PTTG1IP: variants seen among roughly 807,000 people sequenced by gnomAD.
PTTG1IP encodes the protein pituitary tumor-transforming gene 1 protein-interacting protein.
Under a neutral mutation model 24.4 loss-of-function variants are expected in PTTG1IP, and 16 were observed. The ratio of observed to expected loss-of-function variants is 0.66; its 90% CI spans 0.44 to 1.00. PTTG1IP has a LOEUF of 1.00. Among genes scored for constraint, PTTG1IP ranks in the 50% least tolerant of loss-of-function variants. The pLI is 0.00. For missense variants in PTTG1IP, 241 were observed against 245.8 expected, an observed-to-expected ratio of 0.98 and a Z score of 0.13; for synonymous variants, 89 against 96.8, an observed-to-expected ratio of 0.92 and a Z score of 0.47.
At chr21:44,864,026 A>C (rs2083514980) in intron 2 of PTTG1IP, among the ~76,000 whole-genome samples, 3 of 152,206 alleles carry the variant, frequency 2.0e-5, no homozygotes, top group Non-Finnish European at 4.4e-5. Context: ...ATGCCTTAGA[A>C]TAGAAATCAT....
chr21:44,859,745 C>A (rs963334766), intron 3 of PTTG1IP, among the ~76,000 whole-genome samples: 2 of 152,118 alleles, frequency 1.3e-5, no homozygotes, highest in African/African-American at 4.8e-5. Context: ...CCACCCCCTG[C>A]CAGACATCCC....
At chr21:44,857,784 T>C (rs2083460133) in intron 3 of PTTG1IP, among the ~76,000 whole-genome samples, 1 of 152,242 alleles carries the variant, frequency 6.6e-6, no homozygotes, top group African/African-American at 2.4e-5. Flanking sequence ...AAATCAGGAA[T>C]AGGAGGTTAC....
Position 44,851,342 on chromosome 21 carries a change from G to T in PTTG1IP, c.*239C>A, listed in dbSNP as rs554613776. ...AGTATAAAAAAGCCCAAACCCCAAA[G>T]ATTTCTTATTTCAAGTGACTAAATC... On this transcript the variant is annotated 3_prime_UTR_variant, in exon 6 of 6. Coordinates refer to ENST00000330938, the MANE Select transcript of PTTG1IP (RefSeq NM_004339.4). The T allele has an allele frequency of 2.3e-4, 351 of 1,502,714 alleles. 1 individual carries two copies. In the African/African-American group the frequency reaches 2.7e-3, roughly 12 times the overall value. The allele number at this position is 1,502,714 out of a possible 1,614,324, so 93.1% of individuals were successfully genotyped here.
At chr21:44,851,698 A>C in intron 5 of PTTG1IP, 71 bp from the exon 6 acceptor site, 6 of 1,494,168 alleles carry the variant, frequency 4.0e-6, no homozygotes, top group Non-Finnish European at 5.4e-6. Flanking sequence ...AAGCCATACA[A>C]ACCAAGCTTT....
intron 2 of PTTG1IP, among the ~76,000 whole-genome samples, chr21:44,863,075 C>A (rs1319128899): frequency 1.5e-5 from 2 of 134,856 alleles, no homozygotes; most frequent in South Asian, 2.4e-4. Flanking sequence ...CAGCCCGCCA[C>A]GGCCTCGGCA....
In PTTG1IP at chr21:44,859,040, C is replaced by T. The variant is rs890682820; in HGVS notation, c.277+2123G>A. Among the ~76,000 whole-genome samples, 17 of 152,350 alleles carry T rather than the reference C, an allele frequency of 1.1e-4. 1 individual carries two copies. Among genetic ancestry groups the T allele is most frequent in the Middle Eastern group, 6.8e-3 (2 of 294 alleles). On this transcript the variant is annotated intron_variant, in intron 3 of 5. Coordinates refer to ENST00000330938, the MANE Select transcript of PTTG1IP (RefSeq NM_004339.4). ...CTCCTCCAGACGTGAGCGCCTGTGC[C>T]GGCACCAACACAACACCGCTCACAG...
intron 2 of PTTG1IP, among the ~76,000 whole-genome samples, chr21:44,864,412 T>C (rs2083518631): frequency 6.6e-6 from 1 of 152,120 alleles, no homozygotes; most frequent in Non-Finnish European, 1.5e-5. Flanking sequence ...TTTTGTTTTT[T>C]AAAGACAGTT....
chr21:44,864,370 A>G (rs1406125513), intron 2 of PTTG1IP, among the ~76,000 whole-genome samples: 2 of 152,154 alleles, frequency 1.3e-5, no homozygotes, highest in Non-Finnish European at 2.9e-5. Context: ...AGAGAAAACC[A>G]AAGGACCCTG....
intron 3 of PTTG1IP, among the ~76,000 whole-genome samples, chr21:44,858,663 G>A (rs1278934215): frequency 3.9e-5 from 6 of 152,192 alleles, no homozygotes; most frequent in African/African-American, 9.7e-5. Context: ...ACCTGCTGCC[G>A]CTCTCATGTG....
intron 1 of PTTG1IP, among the ~76,000 whole-genome samples, chr21:44,868,410 G>A (rs960173472): frequency 6.6e-6 from 1 of 152,212 alleles, no homozygotes; most frequent in African/African-American, 2.4e-5. Context: ...TTGGTGCCCA[G>A]GTCGTGGTTT....
chr21:44,856,991 C>A (rs1211131107), intron 3 of PTTG1IP, among the ~76,000 whole-genome samples: 1 of 152,122 alleles, frequency 6.6e-6, no homozygotes, highest in Admixed American at 6.5e-5. Context: ...GGTCCCAAAC[C>A]CTGTTATGAT....
At chr21:44,863,976 C>T (rs966269639) in intron 2 of PTTG1IP, among the ~76,000 whole-genome samples, 11 of 152,172 alleles carry the variant, frequency 7.2e-5, no homozygotes, top group Non-Finnish European at 1.5e-4. Flanking sequence ...ACCTACGCTA[C>T]GGTCTCGTGG....
intron 1 of PTTG1IP, among the ~76,000 whole-genome samples, chr21:44,870,705 T>C (rs182045562): frequency 2.0e-5 from 3 of 152,310 alleles, no homozygotes; most frequent in East Asian, 3.8e-4. Context: ...TAACACTGAA[T>C]GTGACTGCCC....
intron 1 of PTTG1IP, chr21:44,865,889 C>T (rs2277811): frequency 0.072 from 18,299 of 253,450 alleles, 681 homozygotes; most frequent in East Asian, 0.085. Flanking sequence ...GACACTGCCA[C>T]GCAGCACACT....
Position 44,873,476 on chromosome 21 carries a change from GGCCCCGCCC to G in PTTG1IP, c.115+17_115+25del, listed in dbSNP as rs2083607560. On this transcript the variant is annotated intron_variant, in intron 1 of 5. Coordinates refer to ENST00000330938, the MANE Select transcript of PTTG1IP (RefSeq NM_004339.4). The stretch of plus-strand genomic sequence containing the variant: ...CCACCAGCCGCCCCGCCCCCTTCGC[GGCCCCGCCC>G]GCCCCGGCGCCCTCACCAGCTCCGG... 1.5e-6 allele frequency: 2 copies of G among 1,354,060 alleles called. No individual in the cohort carries two copies. The highest frequency in any genetic ancestry group is 1.6e-5 in the African/African-American group (1 of 64,060). 83.9% of individuals were successfully genotyped at this position (1,354,060 alleles called of 1,614,324 possible). A position where few individuals can be genotyped will look rare whatever the true frequency, so the allele number is the denominator to read the frequency against.
chr21:44,865,877 G>A (rs1457020819), intron 1 of PTTG1IP: 2 of 255,326 alleles, frequency 7.8e-6, no homozygotes. Context: ...AGCAACGCCA[G>A]CGACACTGCC....
At chr21:44,864,009 A>G (rs547522838) in intron 2 of PTTG1IP, among the ~76,000 whole-genome samples, 1 of 152,212 alleles carries the variant, frequency 6.6e-6, no homozygotes, top group South Asian at 2.1e-4. Flanking sequence ...TTTTAAGAAC[A>G]TGGCTCATGC....
intron 3 of PTTG1IP, among the ~76,000 whole-genome samples, chr21:44,860,165 G>A (rs976624913): frequency 5.3e-5 from 8 of 152,104 alleles, no homozygotes; most frequent in African/African-American, 7.2e-5. Context: ...TCAGGAGATC[G>A]AGACCATCCT....
At chr21:44,854,615 T>C (rs960829867) in intron 5 of PTTG1IP, among the ~76,000 whole-genome samples, 7 of 152,020 alleles carry the variant, frequency 4.6e-5, no homozygotes, top group African/African-American at 1.5e-4. Flanking sequence ...TTTGGGGGAG[T>C]ATAGATAACG....
Sources: allele counts gnomAD v4.1 joint callset (sites outside exome capture counted in the v4.1 genomes callset), GRCh38; gene constraint gnomAD v4.1.1; transcripts MANE v1.5; gene names NCBI Gene and HGNC (gene_info 2026-07-23, HGNC 2026-07-21).